The following AGFG1 variants were observed in gnomAD, a reference collection of about 807,000 sequenced individuals.
The protein encoded by AGFG1 is arf-GAP domain and FG repeat-containing protein 1.
A neutral mutation model predicts 60.6 loss-of-function variants in AGFG1; 10 were observed. That is an observed-to-expected ratio of 0.16 (90% CI 0.10 to 0.28). The LOEUF is 0.28. AGFG1 is among the 10% of genes least tolerant of loss of function. AGFG1 has a pLI of 1.00. For synonymous variants in AGFG1, 247 were observed against 242.9 expected (o/e 1.02, Z -0.16); for missense variants, 537 against 676.5 (o/e 0.79, Z 2.29).
At chr2:227,517,820 T>C (rs907885073) in intron 2 of AGFG1, among the ~76,000 whole-genome samples, 2 of 152,214 alleles carry the variant, frequency 1.3e-5, no homozygotes, top group Non-Finnish European at 2.9e-5. Context: ...TGGACTTGTT[T>C]TTGATAATTT....
chr2:227,553,145 T>C (rs1692871826), intron 11 of AGFG1, among the ~76,000 whole-genome samples: 1 of 152,194 alleles, frequency 6.6e-6, no homozygotes, highest in African/African-American at 2.4e-5. Flanking sequence ...CAAGCTCGTC[T>C]AGTAATGAAA....
At position 227,536,953 on chromosome 2, in the gene AGFG1, T is replaced by G. The variant is rs144069697; in HGVS notation, c.1338T>G (p.Ser446=). Residue 446 remains serine, a synonymous_variant, in exon 10 of 13, where the codon TCT becomes TCG. Transcript: ENST00000310078. ...FVAAAGPSVA[S]STNPFQTNAR... is the part of the protein sequence containing the mutation. ...CTGCTGCTGGTCCTTCTGTGGCATC[T>G]TCTACAAACCCATTTCAGACCAATG... The G allele has an allele frequency of 9.8e-5, 158 of 1,613,216 alleles. No homozygotes were observed. In the African/African-American group the frequency reaches 2.0e-3, roughly 20 times the overall value.
At chr2:227,491,756 G>A (rs558591339) in intron 2 of AGFG1, 116 bp downstream of exon 2, 169 of 546,348 alleles carry the variant, frequency 3.1e-4, no homozygotes, top group African/African-American at 3.0e-3. Flanking sequence ...AGTTATTTTT[G>A]TATTTTATAT....
At chr2:227,544,662 G>A (rs972323346) in intron 10 of AGFG1, among the ~76,000 whole-genome samples, 21 of 152,250 alleles carry the variant, frequency 1.4e-4, no homozygotes, top group Admixed American at 3.9e-4. Flanking sequence ...GGTGGTGACA[G>A]AATCTCTCAG....
intron 2 of AGFG1, among the ~76,000 whole-genome samples, chr2:227,505,736 TTTG>T (rs1691294151): frequency 6.6e-6 from 1 of 152,066 alleles, no homozygotes; most frequent in South Asian, 2.1e-4. Context: ...TTTTGTTTTT[TTTG>T]TTTGTTTGTT....
chr2:227,553,816 A>G (rs1692892726), intron 12 of AGFG1, 21 bp downstream of exon 12: 1 of 1,531,336 alleles, frequency 6.5e-7, no homozygotes, highest in African/African-American at 1.4e-5. Flanking sequence ...TTTAAAATTA[A>G]ATACTTTATA....
chr2:227,529,605 A>T (rs541753448), intron 5 of AGFG1, among the ~76,000 whole-genome samples: 1 of 152,096 alleles, frequency 6.6e-6, no homozygotes, highest in Non-Finnish European at 1.5e-5. Context: ...GTCATCTTCT[A>T]CAGAAAGACG....
chr2:227,535,148 T>G, intron 8 of AGFG1, 123 bp downstream of exon 8: 1 of 1,087,878 alleles, frequency 9.2e-7, no homozygotes, highest in East Asian at 2.8e-5. Context: ...TTTTGTAAAT[T>G]TGAGGAATTT....
intron 2 of AGFG1, among the ~76,000 whole-genome samples, chr2:227,496,141 A>G (rs1469303020): frequency 6.6e-6 from 1 of 151,346 alleles, no homozygotes; most frequent in Non-Finnish European, 1.5e-5. Context: ...AAAAGAAGAC[A>G]TTATTATTAA....
intron 1 of AGFG1, among the ~76,000 whole-genome samples, chr2:227,480,519 C>T (rs1304240037): frequency 6.6e-6 from 1 of 152,088 alleles, no homozygotes; most frequent in African/African-American, 2.4e-5. Context: ...CCTGCCTCAG[C>T]CTCCCTGGTA....
intron 1 of AGFG1, among the ~76,000 whole-genome samples, chr2:227,474,993 T>G (rs921915699): frequency 2.0e-5 from 3 of 152,178 alleles, no homozygotes; most frequent in Non-Finnish European, 4.4e-5. Context: ...GCCTGGTATA[T>G]AGCAAGTGCC....
intron 5 of AGFG1, among the ~76,000 whole-genome samples, chr2:227,527,509 A>G (rs189368184): frequency 8.9e-4 from 135 of 152,334 alleles, no homozygotes; most frequent in African/African-American, 3.1e-3. Flanking sequence ...ATTTCCTAAC[A>G]GCTTGGTGAT....
At chr2:227,540,315 G>A (rs1181867704) in intron 10 of AGFG1, among the ~76,000 whole-genome samples, 1 of 151,566 alleles carries the variant, frequency 6.6e-6, no homozygotes, top group Non-Finnish European at 1.5e-5. Context: ...TTTACATTAG[G>A]TATGTCTCCT....
At chr2:227,492,387 CAGAA>C (rs1690846988) in intron 2 of AGFG1, among the ~76,000 whole-genome samples, 1 of 151,968 alleles carries the variant, frequency 6.6e-6, no homozygotes, top group Non-Finnish European at 1.5e-5. Flanking sequence ...TATTATTTGA[CAGAA>C]AAGTCTCCTT....
chr2:227,491,025 A>G (rs1690801707), intron 1 of AGFG1, among the ~76,000 whole-genome samples: 2 of 152,168 alleles, frequency 1.3e-5, no homozygotes, highest in African/African-American at 2.4e-5. Flanking sequence ...ATTGATGGCA[A>G]GATAGGACTT....
chr2:227,475,131 A>T (rs1260026274), intron 1 of AGFG1, among the ~76,000 whole-genome samples: 1 of 152,222 alleles, frequency 6.6e-6, no homozygotes, highest in African/African-American at 2.4e-5. Context: ...TTGTAACTCA[A>T]AACCGGAATC....
intron 1 of AGFG1, among the ~76,000 whole-genome samples, chr2:227,485,024 G>A (rs1690583917): frequency 6.6e-6 from 1 of 151,588 alleles, no homozygotes; most frequent in South Asian, 2.1e-4. Flanking sequence ...GGGTTTTTTT[G>A]TTTTGTTTTT....
chr2:227,547,789 C>T (rs1446865592), intron 10 of AGFG1, among the ~76,000 whole-genome samples: 1 of 152,070 alleles, frequency 6.6e-6, no homozygotes, highest in African/African-American at 2.4e-5. Flanking sequence ...GGCAGTTCCT[C>T]AAAATGGTCA....
At chr2:227,493,919 T>G (rs969368149) in intron 2 of AGFG1, among the ~76,000 whole-genome samples, 1 of 152,234 alleles carries the variant, frequency 6.6e-6, no homozygotes, top group Admixed American at 6.5e-5. Flanking sequence ...AACACATTTG[T>G]TGGTTTTTGA....
Sources: allele counts gnomAD v4.1 joint callset (sites outside exome capture counted in the v4.1 genomes callset), GRCh38; gene constraint gnomAD v4.1.1; transcripts MANE v1.5; gene names NCBI Gene and HGNC (gene_info 2026-07-23, HGNC 2026-07-21).